The following RIPOR1 variants were observed in gnomAD, a reference collection of about 807,000 sequenced individuals.
The protein encoded by RIPOR1 is rho family-interacting cell polarization regulator 1.
In RIPOR1, 58 loss-of-function variants were observed where a neutral mutation model predicts 116.5. That is an observed-to-expected ratio of 0.50 (90% CI 0.40 to 0.62). The LOEUF is 0.62. RIPOR1 is among the 20% of genes least tolerant of loss of function. The pLI is 0.00. For synonymous variants in RIPOR1, 605 were observed against 650.0 expected (o/e 0.93, Z 1.05); for missense variants, 1,372 against 1,586.2 (o/e 0.86, Z 2.29).
chr16:67,523,535 A>C (rs1012198555), intron 1 of RIPOR1, among the ~76,000 whole-genome samples: 13 of 150,832 alleles, frequency 8.6e-5, no homozygotes, highest in East Asian at 1.9e-4. Flanking sequence ...AAAAAAAAAA[A>C]AAAAAAAAAA....
At chr16:67,525,934 A>G (rs1333756585), upstream of RIPOR1, among the ~76,000 whole-genome samples, 2 of 152,088 alleles carry the variant, frequency 1.3e-5, no homozygotes, top group African/African-American at 4.8e-5. Context: ...AGTGGGTTTC[A>G]AGCTGTGTCC....
Position 67,529,918 on chromosome 16 carries a change from G to A in RIPOR1, c.-24+1004G>A. ...TGGGAGAAGCGAGGATTAGATCTGA[G>A]TCCTTGCCCCTGCGACACCCACCTC... is the stretch of plus-strand genomic sequence containing the variant. On this transcript the variant is annotated intron_variant, in intron 1 of 21. Transcript: ENST00000042381. The surrounding 1 kb of genome is among the most constrained non-coding windows in gnomAD (Gnocchi z 4.1). The A allele has an allele frequency of 8.5e-7, 1 of 1,179,768 alleles. No homozygotes were observed. The highest frequency in any genetic ancestry group is 1.2e-6 in the Non-Finnish European group (1 of 821,564). 73.1% of individuals were successfully genotyped at this position (1,179,768 alleles called of 1,614,324 possible). A position where few individuals can be genotyped will look rare whatever the true frequency, so the allele number is the denominator to read the frequency against.
At chr16:67,521,646 G>A (rs1198568505) in intron 1 of RIPOR1, among the ~76,000 whole-genome samples, 1 of 152,106 alleles carries the variant, frequency 6.6e-6, no homozygotes, top group Non-Finnish European at 1.5e-5. Context: ...GCCCAAACCA[G>A]CAGAGCACCG....
Position 67,538,408 on chromosome 16 carries a change from C to A in RIPOR1, c.-23-16C>A. On this transcript the variant is annotated splice_polypyrimidine_tract_variant and intron_variant, in intron 1 of 21. Transcript: ENST00000042381. ...GGGATCCGACTGGTACTGGACACCC[C>A]CCCGATCACCCGCAGGGAGCCCCGC... 1 of 1,558,090 alleles carries A rather than the reference C, an allele frequency of 6.4e-7. No homozygotes were observed.
chr16:67,541,616 G>C lies in RIPOR1; in HGVS notation c.951-37G>C, dbSNP rs1238565484. On this transcript the variant is annotated intron_variant, in intron 11 of 21. Coordinates refer to ENST00000042381, the MANE Select transcript of RIPOR1 (RefSeq NM_024519.4). The surrounding 1 kb of genome is among the most constrained non-coding windows in gnomAD (Gnocchi z 4.6). Reference sequence around the variant, plus strand: ...GAGAGGCTTGGAGGAGGGCCAGGAGGGCTGTGGCACCTGCCAACAGCCTCT... The same window carrying C: ...GAGAGGCTTGGAGGAGGGCCAGGAGCGCTGTGGCACCTGCCAACAGCCTCT... The C allele has an allele frequency of 1.2e-6, 2 of 1,613,894 alleles. No homozygotes were observed. Among genetic ancestry groups the C allele is most frequent in the Non-Finnish European group, 8.5e-7 (1 of 1,179,900 alleles).
rs2050965492 is a variant in RIPOR1, at chr16:67,541,039, TC to T, written c.801+337del. Among the ~76,000 whole-genome samples the T allele has an allele frequency of 6.6e-6, 1 of 151,922 alleles. No homozygotes were observed. Among genetic ancestry groups the T allele is most frequent in the Non-Finnish European group, 1.5e-5 (1 of 67,978 alleles). ...CCATGCTCCCAGGCTGCTTCAAGCA[TC>T]CATGGCTCCATGAGCATGCATGTGT... On this transcript the variant is annotated intron_variant, in intron 10 of 21. Coordinates refer to ENST00000042381, the MANE Select transcript of RIPOR1 (RefSeq NM_024519.4). The surrounding 1 kb of genome is among the most constrained non-coding windows in gnomAD (Gnocchi z 4.6).
intron 1 of RIPOR1, among the ~76,000 whole-genome samples, chr16:67,521,641 AACCAGCAGAGC>A (rs1172947156): frequency 6.6e-6 from 1 of 152,052 alleles, no homozygotes; most frequent in Non-Finnish European, 1.5e-5. Flanking sequence ...CCCTTGCCCA[AACCAGCAGAGC>A]ACCGCCCAGC....
chr16:67,523,516 C>T (rs1320116339), intron 1 of RIPOR1, among the ~76,000 whole-genome samples: 2 of 91,380 alleles, frequency 2.2e-5, no homozygotes, highest in Non-Finnish European at 3.8e-5. Flanking sequence ...CAGAGCAAGA[C>T]TCCATAAAAA....
In RIPOR1 at chr16:67,541,833, G is replaced by T. The variant is rs760389702; in HGVS notation, c.1081-34G>T. 1 of 1,613,234 alleles carries T rather than the reference G, an allele frequency of 6.2e-7. No individual in the cohort carries two copies. The highest frequency in any genetic ancestry group is 1.1e-5 in the South Asian group (1 of 91,082). On this transcript the variant is annotated intron_variant, in intron 12 of 21. Coordinates refer to ENST00000042381, the MANE Select transcript of RIPOR1 (RefSeq NM_024519.4). This position sits in a 1 kb window ranked among gnomAD's most constrained non-coding sequence, Gnocchi z 4.6. ...TCACCATCCCCCAGAGGCTCCCTGG[G>T]GGTGGTTCTGAAATGCCCTCTCCTC...
intron 1 of RIPOR1, among the ~76,000 whole-genome samples, chr16:67,533,007 G>A (rs2050700224): frequency 6.6e-6 from 1 of 152,134 alleles, no homozygotes; most frequent in South Asian, 2.1e-4. Flanking sequence ...CTGGCTATAG[G>A]GGTAGAGGTG....
intron 1 of RIPOR1, 140 bp from the exon 2 acceptor site, chr16:67,538,284 G>A (rs2050859141): frequency 8.6e-7 from 1 of 1,163,408 alleles, no homozygotes; most frequent in Non-Finnish European, 1.2e-6. Flanking sequence ...GGGTCGGCGG[G>A]ACTAGGCGGA....
intron 6 of RIPOR1, 74 bp from the exon 7 acceptor site, chr16:67,539,979 T>C: frequency 6.2e-7 from 1 of 1,613,622 alleles, no homozygotes; most frequent in Non-Finnish European, 8.5e-7. Flanking sequence ...AGGCCCTGGG[T>C]GAGCAACCTT....
Position 67,521,645 on chromosome 16 carries a change from A to T in RIPOR1, c.-24+3032A>T, listed in dbSNP as rs556498055. 8.3e-4 allele frequency among the ~76,000 whole-genome samples: 127 copies of T among 152,194 alleles called. 1 individual carries two copies. Among genetic ancestry groups the T allele is most frequent in the Admixed American group, 2.1e-3 (32 of 15,290 alleles). On this transcript the variant is annotated intron_variant, in intron 1 of 1. Transcript: ENST00000562116. Reference sequence around the variant, plus strand: ...AATCGCCCCACCCCTTGCCCAAACCAGCAGAGCACCGCCCAGCTCACAGCT... The same window carrying T: ...AATCGCCCCACCCCTTGCCCAAACCTGCAGAGCACCGCCCAGCTCACAGCT...
intron 1 of RIPOR1, among the ~76,000 whole-genome samples, chr16:67,521,726 C>T (rs1416003700): frequency 1.1e-4 from 17 of 152,188 alleles, no homozygotes; most frequent in Admixed American, 1.1e-3. Context: ...ACTGGCCAGC[C>T]TCAGGCGGTG....
rs1445544084 is a variant in RIPOR1 at position 67,540,387 on chromosome 16, G to C, written c.631+24G>C. Reference sequence around the variant, plus strand: ...AGGTACTGAGTTGTGGGGGCAGGTGGGGGGCTGGAGGGAGTATGCTGAAGA... The same window carrying C: ...AGGTACTGAGTTGTGGGGGCAGGTGCGGGGCTGGAGGGAGTATGCTGAAGA... On this transcript the variant is annotated intron_variant, in intron 8 of 21. Transcript: ENST00000042381. This position sits in a 1 kb window ranked among gnomAD's most constrained non-coding sequence, Gnocchi z 4.7. The C allele has an allele frequency of 1.2e-6, 2 of 1,614,072 alleles. No homozygotes were observed. Among genetic ancestry groups the C allele is most frequent in the Non-Finnish European group, 1.7e-6 (2 of 1,180,034 alleles).
chr16:67,530,028 C>G lies in RIPOR1; in HGVS notation c.-24+1114C>G. 1 of 640,060 alleles carries G rather than the reference C, an allele frequency of 1.6e-6. No individual in the cohort carries two copies. Among genetic ancestry groups the G allele is most frequent in the Non-Finnish European group, 2.8e-6 (1 of 353,756 alleles). 39.6% of individuals were successfully genotyped at this position (640,060 alleles called of 1,614,324 possible). On this transcript the variant is annotated intron_variant, in intron 1 of 21. Coordinates refer to ENST00000042381, the MANE Select transcript of RIPOR1 (RefSeq NM_024519.4). This position sits in a 1 kb window ranked among gnomAD's most constrained non-coding sequence, Gnocchi z 4.5. Reference sequence around the variant, plus strand: ...CGGGACAAGGAGGACTGGCATAGCTCCTTCTTCCACCGCCCTCTCCGGCTT... The same window carrying G: ...CGGGACAAGGAGGACTGGCATAGCTGCTTCTTCCACCGCCCTCTCCGGCTT...
At chr16:67,533,396 A>G (rs2142454635) in intron 1 of RIPOR1, among the ~76,000 whole-genome samples, 1 of 152,294 alleles carries the variant, frequency 6.6e-6, no homozygotes, top group East Asian at 1.9e-4. Flanking sequence ...GCACAGCCCA[A>G]GGGCGGGGAG....
Position 67,540,782 on chromosome 16 carries a change from C to T in RIPOR1, c.801+78C>T, listed in dbSNP as rs2050957751. 2.2e-6 allele frequency: 3 copies of T among 1,381,274 alleles called. No homozygotes were observed. The highest frequency in any genetic ancestry group is 2.2e-5 in the Admixed American group (1 of 44,814). 85.6% of individuals were successfully genotyped at this position (1,381,274 alleles called of 1,614,324 possible). A position where few individuals can be genotyped will look rare whatever the true frequency, so the allele number is the denominator to read the frequency against. On this transcript the variant is annotated intron_variant, in intron 10 of 21. Coordinates refer to ENST00000042381, the MANE Select transcript of RIPOR1 (RefSeq NM_024519.4). This position sits in a 1 kb window ranked among gnomAD's most constrained non-coding sequence, Gnocchi z 4.7. ...GACCCCCATTACCCTGAGTCCCTTA[C>T]TCCTGTGATCCCCTCATAGCTCCAT...
At position 67,523,537 on chromosome 16, in the gene RIPOR1, A is replaced by C. The variant is rs962689626; in HGVS notation, c.-24+4924A>C. Among the ~76,000 whole-genome samples, 11 of 151,030 alleles carry C rather than the reference A, an allele frequency of 7.3e-5. 2 individuals are homozygous for C. Among genetic ancestry groups the C allele is most frequent in the East Asian group, 3.9e-4 (2 of 5,140 alleles). On this transcript the variant is annotated intron_variant, in intron 1 of 1. Transcript: ENST00000562116. ...AAGACTCCATAAAAAAAAAAAAAAA[A>C]AAAAAAAAAAAACAGTAGTCAACAT...
Sources: allele counts gnomAD v4.1 joint callset (sites outside exome capture counted in the v4.1 genomes callset), GRCh38; gene constraint gnomAD v4.1.1; non-coding constraint Gnocchi (gnomAD v3.1); transcripts MANE v1.5; gene names NCBI Gene and HGNC (gene_info 2026-07-23, HGNC 2026-07-21).